EBF1: variants seen among roughly 807,000 people sequenced by gnomAD.
EBF1 encodes transcription factor COE1.
EBF1 carries 10 observed loss-of-function variants against 68.4 expected under a neutral mutation model. The ratio of observed to expected loss-of-function variants is 0.15; its 90% CI spans 0.09 to 0.25. EBF1 has a LOEUF of 0.25. Ranked by LOEUF, EBF1 falls within the 10% of genes least tolerant of loss-of-function variation. The pLI, the probability that EBF1 is intolerant of heterozygous loss-of-function variation, is 1.00. For synonymous variants in EBF1, 298 were observed against 299.8 expected (o/e 0.99, Z 0.06); for missense variants, 509 against 794.4 (o/e 0.64, Z 4.32).
chr5:158,721,901 C>A (rs1762002415), intron 11 of EBF1, among the ~76,000 whole-genome samples: 1 of 151,842 alleles, frequency 6.6e-6, no homozygotes. Context: ...GCTTTCCCCT[C>A]CCTTTTTTTT....
chr5:159,045,934 C>T (rs1019708594), intron 6 of EBF1, among the ~76,000 whole-genome samples: 2 of 152,286 alleles, frequency 1.3e-5, no homozygotes, highest in East Asian at 1.9e-4. Context: ...TCTCCCTCAG[C>T]TCCCCATAGC....
chr5:158,863,574 G>A (rs1250720835), intron 6 of EBF1, among the ~76,000 whole-genome samples: 2 of 152,040 alleles, frequency 1.3e-5, no homozygotes, highest in African/African-American at 4.8e-5. Flanking sequence ...AAGTAACAAA[G>A]ACCAAGAGCC....
intron 8 of EBF1, among the ~76,000 whole-genome samples, chr5:158,804,002 G>A (rs149016590): frequency 8.0e-4 from 114 of 142,922 alleles, no homozygotes; most frequent in Non-Finnish European, 1.5e-3. Flanking sequence ...ACTTTAAGGA[G>A]AAATGTAACC....
chr5:158,902,413 CT>C (rs1803597413), intron 6 of EBF1, among the ~76,000 whole-genome samples: 1 of 72,956 alleles, frequency 1.4e-5, no homozygotes, highest in South Asian at 7.1e-4. Context: ...AAGCCTGCTT[CT>C]TTTTCTTTTT....
rs995427863 is a variant in EBF1, at chr5:158,696,529, G to T, written c.*2582C>A. 6 of 224,602 alleles carry T rather than the reference G, an allele frequency of 2.7e-5. No individual in the cohort carries two copies. Among genetic ancestry groups the T allele is most frequent in the Admixed American group, 1.1e-4 (2 of 17,492 alleles). 13.9% of individuals were successfully genotyped at this position (224,602 alleles called of 1,614,324 possible). Reference sequence around the variant, plus strand: ...TAAGGGGCTCACCAGATAAAATATGGCTTTAACTTGTGTACATCTTCAGGC... The same window carrying T: ...TAAGGGGCTCACCAGATAAAATATGTCTTTAACTTGTGTACATCTTCAGGC... On this transcript the variant is annotated 3_prime_UTR_variant, in exon 16 of 16. Transcript: ENST00000313708.
intron 11 of EBF1, among the ~76,000 whole-genome samples, chr5:158,728,623 T>C (rs1763463862): frequency 6.6e-6 from 1 of 152,170 alleles, no homozygotes; most frequent in Admixed American, 6.5e-5. Context: ...TGGAGTGCAA[T>C]GGTAGGTATG....
intron 6 of EBF1, among the ~76,000 whole-genome samples, chr5:159,051,065 A>G (rs996744494): frequency 2.6e-5 from 4 of 152,028 alleles, no homozygotes; most frequent in Non-Finnish European, 4.4e-5. Context: ...CTACATTTAC[A>G]TTTGTTTTTT....
intron 5 of EBF1, among the ~76,000 whole-genome samples, chr5:159,081,818 G>A (rs557043897): frequency 4.5e-4 from 68 of 152,172 alleles, no homozygotes; most frequent in Middle Eastern, 3.4e-3. Context: ...TTCTAGAATC[G>A]TGCTTTAGAA....
At chr5:158,739,182 G>A (rs1041309073) in intron 10 of EBF1, among the ~76,000 whole-genome samples, 3 of 152,152 alleles carry the variant, frequency 2.0e-5, no homozygotes, top group African/African-American at 4.8e-5. Flanking sequence ...TACTACAACC[G>A]GTTGGCATTT....
At chr5:158,752,589 C>A (rs192483685) in intron 10 of EBF1, among the ~76,000 whole-genome samples, 2 of 152,212 alleles carry the variant, frequency 1.3e-5, no homozygotes, top group African/African-American at 4.8e-5. Flanking sequence ...CAAATTTTTA[C>A]TGTAATACAT....
chr5:158,715,911 GT>G (rs1247011092), intron 11 of EBF1, among the ~76,000 whole-genome samples: 1 of 152,130 alleles, frequency 6.6e-6, no homozygotes, highest in African/African-American at 2.4e-5. Context: ...CTAGGCCTAT[GT>G]TCATTTATTT....
intron 6 of EBF1, among the ~76,000 whole-genome samples, chr5:159,023,558 C>CT (rs1767141287): frequency 6.6e-6 from 1 of 152,150 alleles, no homozygotes; most frequent in Non-Finnish European, 1.5e-5. Context: ...CAGAGGCACC[C>CT]TTCCTCCACC....
At chr5:158,796,236 C>T in intron 9 of EBF1, 109 bp downstream of exon 9, 11 of 1,201,846 alleles carry the variant, frequency 9.2e-6, no homozygotes, top group Non-Finnish European at 1.2e-5. Context: ...GAAGCTGGCC[C>T]ACCCAGAGCG....
At chr5:158,706,680 C>T (rs1489544467) in intron 15 of EBF1, among the ~76,000 whole-genome samples, 1 of 152,150 alleles carries the variant, frequency 6.6e-6, no homozygotes, top group African/African-American at 2.4e-5. Flanking sequence ...AGTGAGATGC[C>T]AGCCACCAAG....
chr5:158,814,831 G>A (rs373350097), intron 8 of EBF1, among the ~76,000 whole-genome samples: 2 of 152,062 alleles, frequency 1.3e-5, no homozygotes, highest in African/African-American at 4.8e-5. Context: ...ACTAGTCATC[G>A]AATAAAATCA....
rs543274232 is a variant in EBF1 at position 158,898,133 on chromosome 5, AT to A, written c.555-58024del. Reference sequence around the variant, plus strand: ...TAAGTTTACCCTTTGTCTTTAAAACATTTTTTTTAAATATCAAAAGCAGCAC... The same window carrying A: ...TAAGTTTACCCTTTGTCTTTAAAACATTTTTTTAAATATCAAAAGCAGCAC... On this transcript the variant is annotated intron_variant, in intron 6 of 15. Transcript: ENST00000313708. Among the ~76,000 whole-genome samples, 7 of 152,038 alleles carry A rather than the reference AT, an allele frequency of 4.6e-5. No individual in the cohort carries two copies. In the South Asian group the frequency reaches 6.2e-4, roughly 14 times the overall value.
At chr5:158,707,377 T>G (rs1229334561) in intron 15 of EBF1, among the ~76,000 whole-genome samples, 1 of 152,206 alleles carries the variant, frequency 6.6e-6, no homozygotes, top group African/African-American at 2.4e-5. Context: ...ATTGAACAAT[T>G]TTAATATGAA....
intron 5 of EBF1, among the ~76,000 whole-genome samples, chr5:159,082,297 AGCACT>A (rs1004781445): frequency 6.6e-6 from 1 of 152,222 alleles, no homozygotes; most frequent in Non-Finnish European, 1.5e-5. Context: ...TTTGATAGAA[AGCACT>A]GCAGAAAGTT....
At chr5:158,853,196 G>T (rs562753213) in intron 6 of EBF1, among the ~76,000 whole-genome samples, 1 of 152,008 alleles carries the variant, frequency 6.6e-6, no homozygotes, top group Non-Finnish European at 1.5e-5. Context: ...GAACAACTTC[G>T]CCCTCACTCA....
Sources: gnomAD v4.1 joint callset for allele counts (sites outside exome capture counted in the v4.1 genomes callset) on GRCh38, gnomAD v4.1.1 for gene constraint, MANE v1.5 for transcripts, NCBI Gene and HGNC (gene_info 2026-07-23, HGNC 2026-07-21) for gene names.